The following ARHGAP33 variants were observed in gnomAD, a reference collection of about 807,000 sequenced individuals.
ARHGAP33 encodes rho GTPase-activating protein 33.
ARHGAP33 carries 57 observed loss-of-function variants against 126.2 expected under a neutral mutation model. That is an observed-to-expected ratio of 0.45 (90% CI 0.36 to 0.56). The LOEUF is 0.56. Ranked by LOEUF, ARHGAP33 falls within the 20% of genes least tolerant of loss-of-function variation. ARHGAP33 has a pLI of 0.00. For missense variants in ARHGAP33, 1,500 were observed against 1,748.3 expected (o/e 0.86, Z 2.53); for synonymous variants, 711 against 755.0 (o/e 0.94, Z 0.95).
chr19:35,783,790 AG>A (rs910046462), intron 15 of ARHGAP33, among the ~76,000 whole-genome samples: 16 of 151,540 alleles, frequency 1.1e-4, no homozygotes, highest in African/African-American at 2.9e-4. Flanking sequence ...AGGTGGTCTC[AG>A]GCTCCCTCTG....
At position 35,778,290 on chromosome 19, in the gene ARHGAP33, C is replaced by G; in HGVS notation, c.200C>G (p.Ser67Cys). 6.2e-7 allele frequency: 1 copy of G among 1,614,156 alleles called. No homozygotes were observed. Among genetic ancestry groups the G allele is most frequent in the Non-Finnish European group, 8.5e-7 (1 of 1,180,018 alleles). Residue 67 changes from serine (S) to cysteine (C), a missense_variant, in exon 4 of 21, where the codon TCT becomes TGT. Physicochemically the swap from Ser to Cys is moderately radical, Grantham distance 112. Transcript: ENST00000007510. ...VDFGHIQLLL[S>C]PDREGPSLSG... ...GCTTTCCCTCTGCAGCTCCTGCTGTCTCCAGACCGTGAAGGGCCCAGCCTC... is the reference window on the plus strand; with the variant it reads ...GCTTTCCCTCTGCAGCTCCTGCTGTGTCCAGACCGTGAAGGGCCCAGCCTC...
chr19:35,781,499 A>G (rs954011711), intron 12 of ARHGAP33, among the ~76,000 whole-genome samples: 3 of 152,238 alleles, frequency 2.0e-5, no homozygotes, highest in Non-Finnish European at 2.9e-5. Flanking sequence ...AGACAGCCAG[A>G]AACCCCTGCC....
Position 35,777,679 on chromosome 19 carries a change from A to G in ARHGAP33, c.41A>G (p.Glu14Gly), listed in dbSNP as rs1035030423. The stretch of plus-strand genomic sequence containing the variant: ...ACTGACAGCCTGGATGGCCCAGGGG[A>G]GGGCTCGGTGCAGCCTCTACCCACT... ...RSTDSLDGPGEGSVQPLPTAG... is the reference protein window; with the variant it reads ...RSTDSLDGPGGGSVQPLPTAG... Residue 14 changes from glutamate to glycine, a missense_variant, in exon 2 of 21, where the codon GAG becomes GGG. Glu to Gly is a moderately conservative substitution (Grantham distance 98). Transcript: ENST00000007510. The G allele has an allele frequency of 3.1e-6, 5 of 1,587,644 alleles. No homozygotes were observed. Among genetic ancestry groups the G allele is most frequent in the African/African-American group, 1.3e-5 (1 of 74,720 alleles).
chr19:35,779,511 C>T (rs1001062366), intron 6 of ARHGAP33, among the ~76,000 whole-genome samples: 18 of 152,196 alleles, frequency 1.2e-4, no homozygotes, highest in Admixed American at 1.0e-3. Flanking sequence ...CCCACCACAA[C>T]CCCTGCCTCC....
Position 35,779,122 on chromosome 19 carries a change from G to GAGGTGGGCCTGGGC in ARHGAP33, c.501+2_501+15dup. 1 of 1,550,984 alleles carries GAGGTGGGCCTGGGC rather than the reference G, an allele frequency of 6.4e-7. No individual in the cohort carries two copies. The highest frequency in any genetic ancestry group is 8.7e-7 in the Non-Finnish European group (1 of 1,146,424). ...CTGCGGGCCTGTGCTCACCTGGATG[G>GAGGTGGGCCTGGGC]AGGTGGGCCTGGGCAGGGGGCTTGG... is the stretch of plus-strand genomic sequence containing the variant. On this transcript the variant is annotated frameshift_variant and splice_region_variant, in exon 6 of 21. Coordinates refer to ENST00000007510, the MANE Select transcript of ARHGAP33 (RefSeq NM_001366178.1). LOFTEE classifies it high-confidence loss of function.
At chr19:35,780,525 G>T in intron 8 of ARHGAP33, 27 bp downstream of exon 8, 2 of 1,611,762 alleles carry the variant, frequency 1.2e-6, no homozygotes, top group Non-Finnish European at 8.5e-7. Flanking sequence ...GCGGACAGGT[G>T]GGGCTGGGGT....
rs200774189 is a variant in ARHGAP33, at chr19:35,788,297, G to C, written c.3732G>C (p.Arg1244Ser). Reference sequence around the variant, plus strand: ...GGGCAGCCCCGCCAGCCTACGGAAGGGGGGGCGAGCTCCACCGAGGGTCCT... The same window carrying C: ...GGGCAGCCCCGCCAGCCTACGGAAGCGGGGGCGAGCTCCACCGAGGGTCCT... Reference protein sequence around the residue: ...LYRAAPPAYGRGGELHRGSLY... With the variant: ...LYRAAPPAYGSGGELHRGSLY... The change falls in exon 21 of 21, where the codon AGG becomes AGC. Residue 1244 changes from arginine to serine, a missense_variant. This residue lies in a region of ARHGAP33 where 642 missense variants were observed against 634.0 expected (regional missense o/e 1.01). Transcript: ENST00000007510. 29 of 1,608,210 alleles carry C rather than the reference G, an allele frequency of 1.8e-5. No individual in the cohort carries two copies. The highest frequency in any genetic ancestry group is 9.4e-5 in the African/African-American group (7 of 74,590).
chr19:35,786,059 C>T lies in ARHGAP33; in HGVS notation c.1943-354C>T, dbSNP rs1972095852. 2.6e-6 allele frequency: 3 copies of T among 1,175,194 alleles called. No individual in the cohort carries two copies. Among genetic ancestry groups the T allele is most frequent in the Non-Finnish European group, 2.1e-6 (2 of 949,140 alleles). 72.8% of individuals were successfully genotyped at this position (1,175,194 alleles called of 1,614,324 possible). Reference sequence around the variant, plus strand: ...CCGACCTCTGCGGGGGGCTGCTTATCCACCCCACCCAGCCGTGCCTCTGGG... The same window carrying T: ...CCGACCTCTGCGGGGGGCTGCTTATTCACCCCACCCAGCCGTGCCTCTGGG... On this transcript the variant is annotated intron_variant, in intron 19 of 20. Transcript: ENST00000007510. The surrounding 1 kb of genome is among the most constrained non-coding windows in gnomAD (Gnocchi z 7.0).
At position 35,782,449 on chromosome 19, in the gene ARHGAP33, C is replaced by T; in HGVS notation, c.1162C>T (p.Leu388Phe). ...GCAGGACATCCACAGCGTGTCCTCCCTCTGCAAGCTCTACTTCCGAGAGCT... is the reference window on the plus strand; with the variant it reads ...GCAGGACATCCACAGCGTGTCCTCCTTCTGCAAGCTCTACTTCCGAGAGCT... Reference protein sequence around the residue: ...FLQDIHSVSSLCKLYFRELPN... With the variant: ...FLQDIHSVSSFCKLYFRELPN... Residue 388 changes from leucine (L) to phenylalanine (F), a missense_variant, in exon 13 of 21, where the codon CTC becomes TTC. Coordinates refer to ENST00000007510, the MANE Select transcript of ARHGAP33 (RefSeq NM_001366178.1). This position sits in a 1 kb window ranked among gnomAD's most constrained non-coding sequence, Gnocchi z 4.1. 6.2e-7 allele frequency: 1 copy of T among 1,613,634 alleles called. No homozygotes were observed. The highest frequency in any genetic ancestry group is 8.5e-7 in the Non-Finnish European group (1 of 1,179,558).
In ARHGAP33 at chr19:35,787,762, C is replaced by G; in HGVS notation, c.3197C>G (p.Ala1066Gly). ...GPPSFQPSSP[A>G]PVWRSSLGPP... ...CCATCCTTCCAGCCCAGTTCCCCAGCCCCAGTCTGGAGGAGCTCTCTGGGC... is the reference window on the plus strand; with the variant it reads ...CCATCCTTCCAGCCCAGTTCCCCAGGCCCAGTCTGGAGGAGCTCTCTGGGC... The change falls in exon 21 of 21, where the codon GCC (alanine) becomes GGC (glycine). Residue 1066 changes from alanine to glycine, a missense_variant. Around this residue, in one of 6 missense-constraint regions of ARHGAP33, gnomAD observed 642 missense variants for 634.0 expected, o/e 1.01. Transcript: ENST00000007510. 6.3e-7 allele frequency: 1 copy of G among 1,581,814 alleles called. No homozygotes were observed. Among genetic ancestry groups the G allele is most frequent in the Non-Finnish European group, 8.6e-7 (1 of 1,169,546 alleles).
Position 35,782,362 on chromosome 19 carries a change from G to A in ARHGAP33, c.1086-11G>A, listed in dbSNP as rs752192893. On this transcript the variant is annotated splice_polypyrimidine_tract_variant and intron_variant, in intron 12 of 20. Transcript: ENST00000007510. The surrounding 1 kb of genome is among the most constrained non-coding windows in gnomAD (Gnocchi z 4.1). ...CCTGGATCTTCCTCCTCCTTGACAC[G>A]GTGGTCTCAGGCACGAGTTTGACAG... 4.4e-6 allele frequency: 7 copies of A among 1,596,034 alleles called. No homozygotes were observed. The highest frequency in any genetic ancestry group is 6.0e-6 in the Non-Finnish European group (7 of 1,165,474).
Position 35,784,472 on chromosome 19 carries a change from C to T in ARHGAP33, c.1567+155C>T, listed in dbSNP as rs886166326. 9.5e-6 allele frequency: 13 copies of T among 1,368,010 alleles called. No homozygotes were observed. The East Asian group carries it at 1.2e-4, about 12-fold the overall frequency. The allele number at this position is 1,368,010 out of a possible 1,614,324, so 84.7% of individuals were successfully genotyped here. On this transcript the variant is annotated intron_variant, in intron 16 of 20. Coordinates refer to ENST00000007510, the MANE Select transcript of ARHGAP33 (RefSeq NM_001366178.1). ...TCCCGCCCCGGCCTCTCCCTCCCCG[C>T]GCCCCCCTCCTTCTCATTTCAGCTC...
chr19:35,778,426 T>C (rs745891592), intron 4 of ARHGAP33, 38 bp from the exon 5 acceptor site: 13 of 1,614,016 alleles, frequency 8.1e-6, no homozygotes, highest in Non-Finnish European at 9.3e-6. Context: ...CTCGGTGTCA[T>C]GGGGCCCCTG....
At position 35,788,352 on chromosome 19, in the gene ARHGAP33, G is replaced by C. The variant is rs1013856332; in HGVS notation, c.3787G>C (p.Gly1263Arg). ...LYRNGGQRGE[G>R]AGPPPPYPTP... Reference sequence around the variant, plus strand: ...CAGAAATGGAGGGCAAAGAGGGGAGGGGGCTGGTCCCCCACCCCCTTACCC... The same window carrying C: ...CAGAAATGGAGGGCAAAGAGGGGAGCGGGCTGGTCCCCCACCCCCTTACCC... The change falls in exon 21 of 21, where the codon GGG (glycine) becomes CGG (arginine). Residue 1263 changes from glycine to arginine, a missense_variant. Physicochemically the swap from Gly to Arg is moderately radical, Grantham distance 125. Around this residue, in one of 6 missense-constraint regions of ARHGAP33, gnomAD observed 642 missense variants for 634.0 expected, o/e 1.01. Coordinates refer to ENST00000007510, the MANE Select transcript of ARHGAP33 (RefSeq NM_001366178.1). 1.2e-6 allele frequency: 2 copies of C among 1,604,420 alleles called. No homozygotes were observed. The highest frequency in any genetic ancestry group is 2.7e-5 in the African/African-American group (2 of 74,518).
chr19:35,780,694 G>A (rs1451033401), intron 9 of ARHGAP33, 46 bp downstream of exon 9: 1 of 1,608,930 alleles, frequency 6.2e-7, no homozygotes, highest in East Asian at 2.2e-5. Context: ...GGTGGGAAGG[G>A]GTGGGGCCTC....
In ARHGAP33 at chr19:35,786,600, C is replaced by G. The variant is rs1568431905; in HGVS notation, c.2130C>G (p.Pro710=). Residue 710 remains proline, a synonymous_variant, in exon 20 of 21, where the codon CCC becomes CCG. Transcript: ENST00000007510. This position sits in a 1 kb window ranked among gnomAD's most constrained non-coding sequence, Gnocchi z 7.0. ...GGCTGGGGGCACTCTCTGGGTCTCC[C>G]TCACACCGTACCTCAGCCTGGCTAG... is the stretch of plus-strand genomic sequence containing the variant. ...AAGLGALSGS[P]SHRTSAWLDD... is the part of the protein sequence containing the mutation. The G allele has an allele frequency of 6.5e-7, 1 of 1,535,816 alleles. No individual in the cohort carries two copies. The highest frequency in any genetic ancestry group is 2.0e-5 in the Admixed American group (1 of 50,956).
chr19:35,778,003 G>C, intron 3 of ARHGAP33, 95 bp downstream of exon 3: 1 of 1,437,258 alleles, frequency 7.0e-7, no homozygotes, highest in Non-Finnish European at 9.7e-7. Context: ...ACTTATCCCT[G>C]TGACTGGCTG....
At position 35,777,854 on chromosome 19, in the gene ARHGAP33, G is replaced by A; in HGVS notation, c.135G>A (p.Arg45=). Residue 45 remains arginine (R), a synonymous_variant, in exon 3 of 21, where the codon CGG becomes CGA. Coordinates refer to ENST00000007510, the MANE Select transcript of ARHGAP33 (RefSeq NM_001366178.1). ...RLSAPRGPFP[R]LADCAHFHYE... is the part of the protein sequence containing the mutation. ...CAGCTCCTCGAGGCCCCTTCCCGCG[G>A]CTGGCTGACTGCGCCCATTTCCACT... is the stretch of plus-strand genomic sequence containing the variant. 1.2e-6 allele frequency: 2 copies of A among 1,614,242 alleles called. No homozygotes were observed. Among genetic ancestry groups the A allele is most frequent in the Non-Finnish European group, 1.7e-6 (2 of 1,180,040 alleles).
rs1243839167 is a variant in ARHGAP33 at position 35,779,803 on chromosome 19, G to A, written c.502-408G>A. 7.2e-6 allele frequency: 3 copies of A among 415,328 alleles called. No homozygotes were observed. In the Admixed American group the frequency reaches 8.2e-5, roughly 11 times the overall value. 25.7% of individuals were successfully genotyped at this position (415,328 alleles called of 1,614,324 possible). A position where few individuals can be genotyped will look rare whatever the true frequency, so the allele number is the denominator to read the frequency against. ...TGACCAGGCTGGTCTTGAACTCCTG[G>A]GGTCAAGCAATTCTCCAGGCTCACC... On this transcript the variant is annotated intron_variant, in intron 6 of 20. Transcript: ENST00000007510.
Sources: gnomAD v4.1 joint callset for allele counts (sites outside exome capture counted in the v4.1 genomes callset) on GRCh38, gnomAD v4.1.1 for gene constraint, gnomAD v4.1.1 regional missense constraint, Gnocchi (gnomAD v3.1) non-coding constraint, MANE v1.5 for transcripts, NCBI Gene and HGNC (gene_info 2026-07-23, HGNC 2026-07-21) for gene names.